The following DNAH11 variants were observed in gnomAD, a reference collection of about 807,000 sequenced individuals.
DNAH11 encodes dynein axonemal heavy chain 11, also known as axonemal beta dynein heavy chain 11.
A neutral mutation model predicts 526.0 loss-of-function variants in DNAH11; 442 were observed. The observed-to-expected ratio is 0.84, with a 90% CI of 0.78 to 0.91. DNAH11 has a LOEUF of 0.91. Ranked by LOEUF, DNAH11 falls within the 40% of genes least tolerant of loss-of-function variation. The pLI, the probability that DNAH11 is intolerant of heterozygous loss-of-function variation, is 0.00. For missense variants in DNAH11, 6,989 were observed against 5,448.7 expected (o/e 1.28, Z -8.90); for synonymous variants, 2,461 against 1,935.9 (o/e 1.27, Z -7.12).
chr7:21,727,101 T>C (rs1332472593), intron 45 of DNAH11, among the ~76,000 whole-genome samples: 1 of 150,678 alleles, frequency 6.6e-6, no homozygotes, highest in African/African-American at 2.4e-5. Flanking sequence ...GCCCGGCTAA[T>C]GTTTTGTATT....
chr7:21,726,236 T>C (rs930964019), intron 45 of DNAH11, among the ~76,000 whole-genome samples: 7 of 152,024 alleles, frequency 4.6e-5, no homozygotes. Context: ...CTGCACACTT[T>C]TAAATGGCCA....
intron 74 of DNAH11, among the ~76,000 whole-genome samples, chr7:21,876,270 CAAAGTGATTCACT>C (rs1783708436): frequency 6.6e-6 from 1 of 152,068 alleles, no homozygotes; most frequent in Non-Finnish European, 1.5e-5. Context: ...CAAAGATAAC[CAAAGTGATTCACT>C]AAATAATCTT....
chr7:21,828,882 A>G (rs1790425599), intron 65 of DNAH11, among the ~76,000 whole-genome samples: 1 of 150,622 alleles, frequency 6.6e-6, no homozygotes, highest in Non-Finnish European at 1.5e-5. Context: ...CGTGTTGGTT[A>G]TATTAACTGT....
At chr7:21,798,815 A>G (rs1168431676) in intron 61 of DNAH11, among the ~76,000 whole-genome samples, 3 of 152,230 alleles carry the variant, frequency 2.0e-5, no homozygotes, top group Admixed American at 6.5e-5. Context: ...CATTAAAATT[A>G]GGTTTGCAAA....
chr7:21,562,744 C>T (rs1001100160), intron 5 of DNAH11, among the ~76,000 whole-genome samples: 6 of 151,966 alleles, frequency 3.9e-5, no homozygotes, highest in Non-Finnish European at 7.4e-5. Context: ...TTGACATAAA[C>T]ATTGATAAAA....
rs1784044319 is a variant in DNAH11, at chr7:21,884,401, T to G, written c.12498T>G (p.Asn4166Lys). Residue 4166 changes from asparagine to lysine, a missense_variant, in exon 76 of 82, where the codon AAT (asparagine) becomes AAG (lysine). Asn to Lys is a moderately conservative substitution (Grantham distance 94, BLOSUM62 0). Transcript: ENST00000409508. ...GGGTGTATTTAGAAGAATTCATGAATCCATCTCTGGTAAGACATTTGTAAA... is the reference window on the plus strand; with the variant it reads ...GGGTGTATTTAGAAGAATTCATGAAGCCATCTCTGGTAAGACATTTGTAAA... ...LCRVYLEEFM[N>K]PSLTEDELML... is the part of the protein sequence containing the mutation. 6.2e-7 allele frequency: 1 copy of G among 1,605,826 alleles called. No individual in the cohort carries two copies. The highest frequency in any genetic ancestry group is 1.7e-5 in the Admixed American group (1 of 58,704).
intron 41 of DNAH11, 53 bp from the exon 42 acceptor site, chr7:21,711,659 G>T: frequency 6.3e-7 from 1 of 1,582,416 alleles, no homozygotes; most frequent in Non-Finnish European, 8.6e-7. Flanking sequence ...GTTGCTTCTG[G>T]ATGTTTGCGG....
rs781151745 is a variant in DNAH11, at chr7:21,749,782, T to C, written c.8778T>C (p.Ile2926=). The C allele has an allele frequency of 3.1e-6, 5 of 1,613,924 alleles. No homozygotes were observed. The highest frequency in any genetic ancestry group is 4.2e-6 in the Non-Finnish European group (5 of 1,179,834). The change falls in exon 53 of 82, where the codon ATT becomes ATC. Residue 2926 remains isoleucine, a synonymous_variant. Coordinates refer to ENST00000409508, the MANE Select transcript of DNAH11 (RefSeq NM_001277115.2). ...TAGATGAGAGCTTCCTCGTGCTGAT[T>C]AATGACTTGCTGGCATCAGGTGATT... ...QVLDESFLVL[I]NDLLASGEIP...
chr7:21,644,496 T>TA (rs1039173695), intron 28 of DNAH11, among the ~76,000 whole-genome samples: 1 of 151,966 alleles, frequency 6.6e-6, no homozygotes, highest in African/African-American at 2.4e-5. Flanking sequence ...ATGAAATCCA[T>TA]AAAAAAATTC....
chr7:21,796,988 A>G (rs994874949), intron 61 of DNAH11, among the ~76,000 whole-genome samples: 24 of 152,272 alleles, frequency 1.6e-4, no homozygotes, highest in African/African-American at 5.3e-4. Flanking sequence ...ATGGTAGAGA[A>G]GAACAAAGAA....
intron 36 of DNAH11, among the ~76,000 whole-genome samples, chr7:21,701,756 A>G (rs886786829): frequency 6.6e-6 from 1 of 152,218 alleles, no homozygotes; most frequent in African/African-American, 2.4e-5. Context: ...AAAAATTTGT[A>G]CTCATATTAA....
At chr7:21,773,245 A>G (rs1342758753) in intron 55 of DNAH11, among the ~76,000 whole-genome samples, 1 of 151,798 alleles carries the variant, frequency 6.6e-6, no homozygotes, top group Non-Finnish European at 1.5e-5. Context: ...AGAAATGATC[A>G]TGATATTTTT....
intron 54 of DNAH11, among the ~76,000 whole-genome samples, chr7:21,752,814 G>A (rs192018873): frequency 6.6e-6 from 1 of 152,148 alleles, no homozygotes; most frequent in Non-Finnish European, 1.5e-5. Flanking sequence ...CTGGGTTCAA[G>A]CAATTCTTCT....
rs562179491 is a variant in DNAH11, at chr7:21,821,337, C to T, written c.10691+2998C>T. Among the ~76,000 whole-genome samples the T allele has an allele frequency of 8.5e-5, 13 of 152,176 alleles. No homozygotes were observed. In the South Asian group the frequency reaches 1.7e-3, roughly 19 times the overall value. ...TTAGTAAAAGGATGTTGGTTGACCA[C>T]GTAGATTGGGGAATATCTATCTGGC... On this transcript the variant is annotated intron_variant, in intron 65 of 81. Transcript: ENST00000409508.
At chr7:21,884,456 A>C (rs544193488) in intron 76 of DNAH11, 46 bp downstream of exon 76, 2 of 1,556,412 alleles carry the variant, frequency 1.3e-6, no homozygotes, top group Non-Finnish European at 1.7e-6. Context: ...CACTGAGCAA[A>C]AAATTCTGGT....
At position 21,784,540 on chromosome 7, in the gene DNAH11, G is replaced by C; in HGVS notation, c.9597G>C (p.Arg3199Ser). The C allele has an allele frequency of 6.3e-7, 1 of 1,587,296 alleles. No homozygotes were observed. Among genetic ancestry groups the C allele is most frequent in the Non-Finnish European group, 8.6e-7 (1 of 1,167,276 alleles). ...AATAALNTLN[R>S]VNLSELKAFP... ...CAGCTGCACTCAATACACTCAACAG[G>C]GTAAAGATAATTTATTGGTCCCTGA... Residue 3199 changes from arginine (R) to serine (S), a missense_variant and splice_region_variant, in exon 58 of 82, where the codon AGG becomes AGC. Physicochemically the swap from Arg to Ser is moderately radical, Grantham distance 110. Transcript: ENST00000409508.
rs537281774 is a variant in DNAH11, at chr7:21,810,131, T to G, written c.10332+2082T>G. On this transcript the variant is annotated intron_variant, in intron 63 of 81. Coordinates refer to ENST00000409508, the MANE Select transcript of DNAH11 (RefSeq NM_001277115.2). ...GACTTAAAGTGTAGCATTTTATATG[T>G]AAGTATAAAGTAGCTTACCCTAAAT... Among the ~76,000 whole-genome samples, 1,132 of 152,310 alleles carry G rather than the reference T, an allele frequency of 7.4e-3. 8 individuals are homozygous for G. Among genetic ancestry groups the G allele is most frequent in the Non-Finnish European group, 0.01 (694 of 68,020 alleles).
intron 25 of DNAH11, among the ~76,000 whole-genome samples, chr7:21,630,654 T>C (rs1217862946): frequency 6.6e-6 from 1 of 152,238 alleles, no homozygotes; most frequent in Non-Finnish European, 1.5e-5. Context: ...TCATTCCACT[T>C]TCTACTGGCC....
At chr7:21,581,197 A>C (rs920509042) in intron 8 of DNAH11, among the ~76,000 whole-genome samples, 9 of 152,206 alleles carry the variant, frequency 5.9e-5, no homozygotes, top group Non-Finnish European at 1.3e-4. Flanking sequence ...GAAGCACCAA[A>C]ATGTTTCTGA....
Sources: gnomAD v4.1 joint callset for allele counts (sites outside exome capture counted in the v4.1 genomes callset) on GRCh38, gnomAD v4.1.1 for gene constraint, MANE v1.5 for transcripts, NCBI Gene and HGNC (gene_info 2026-07-23, HGNC 2026-07-21) for gene names.